Variants in AKR1E2 observed in about 807,000 individuals in gnomAD.
AKR1E2 encodes the protein 1,5-anhydro-D-fructose reductase.
Under a neutral mutation model 41.9 loss-of-function variants are expected in AKR1E2, and 43 were observed. The observed-to-expected ratio is 1.03, with a 90% CI of 0.80 to 1.32. The LOEUF is 1.32. Among genes scored for constraint, AKR1E2 ranks in the 40% most tolerant of loss-of-function variants. The pLI, the probability that AKR1E2 is intolerant of heterozygous loss-of-function variation, is 0.00. For missense variants in AKR1E2, 423 were observed against 396.5 expected (o/e 1.07, Z -0.57); for synonymous variants, 121 against 138.9 (o/e 0.87, Z 0.91).
upstream of AKR1E2, among the ~76,000 whole-genome samples, chr10:4,825,304 GT>G (rs1362569860): frequency 3.3e-5 from 5 of 152,164 alleles, no homozygotes; most frequent in Non-Finnish European, 7.4e-5. Flanking sequence ...GGGTGTGGGT[GT>G]CCTCAAGGCA....
the AKR1E2 span, among the ~76,000 whole-genome samples, chr10:4,855,736 T>C: frequency 6.6e-6 from 1 of 152,244 alleles, no homozygotes; most frequent in African/African-American, 2.4e-5. Flanking sequence ...TTTTAGTTCA[T>C]GTGACTTAAG....
At chr10:4,831,395 T>C (rs1410520852) in intron 2 of AKR1E2, among the ~76,000 whole-genome samples, 2 of 152,278 alleles carry the variant, frequency 1.3e-5, no homozygotes, top group Middle Eastern at 3.4e-3. Flanking sequence ...AGAGGTTTAA[T>C]TGACTCACAG....
intron 6 of AKR1E2, among the ~76,000 whole-genome samples, chr10:4,840,504 T>C (rs1833791236): frequency 6.6e-6 from 1 of 152,174 alleles, no homozygotes; most frequent in South Asian, 2.1e-4. Context: ...GCTGTCTCTT[T>C]CCTTTCCTAT....
the AKR1E2 span, among the ~76,000 whole-genome samples, chr10:4,863,999 C>G: frequency 7.4e-4 from 113 of 152,274 alleles, 2 homozygotes; most frequent in East Asian, 5.0e-3. Context: ...AGCCCAGGAC[C>G]AGACGGATTC....
At position 4,839,839 on chromosome 10, in the gene AKR1E2, CAGT is replaced by C; in HGVS notation, c.680+14_680+16del. 7 of 1,609,704 alleles carry C rather than the reference CAGT, an allele frequency of 4.3e-6. No individual in the cohort carries two copies. The highest frequency in any genetic ancestry group is 6.0e-6 in the Non-Finnish European group (7 of 1,176,066). ...TTGGTGGCTCGTGGTAAGGATACCT[CAGT>C]GGTGTGTTAGTCAGAGTCCGACTGG... is the stretch of plus-strand genomic sequence containing the variant. On this transcript the variant is annotated intron_variant, in intron 6 of 9. Coordinates refer to ENST00000298375, the MANE Select transcript of AKR1E2 (RefSeq NM_001040177.3).
At chr10:4,867,707 CCA>C in the AKR1E2 span, among the ~76,000 whole-genome samples, 1 of 152,150 alleles carries the variant, frequency 6.6e-6, no homozygotes, top group East Asian at 1.9e-4. Context: ...TCTTTTTAAC[CCA>C]CAGTTCTAAC....
chr10:4,833,292 T>C (rs1833124313), intron 2 of AKR1E2, 58 bp from the exon 3 acceptor site: 2 of 1,357,134 alleles, frequency 1.5e-6, no homozygotes, highest in Non-Finnish European at 2.1e-6. Flanking sequence ...GGCTACAGAA[T>C]GGGTGCCATG....
the AKR1E2 span, among the ~76,000 whole-genome samples, chr10:4,861,168 G>T: frequency 6.6e-6 from 1 of 152,098 alleles, no homozygotes; most frequent in Non-Finnish European, 1.5e-5. Context: ...GGAAATTTTT[G>T]TAGGTGCCAC....
chr10:4,866,311 G>A, the AKR1E2 span, among the ~76,000 whole-genome samples: 1 of 152,188 alleles, frequency 6.6e-6, no homozygotes, highest in Non-Finnish European at 1.5e-5. Flanking sequence ...CGTAGCACTG[G>A]AACCAGTTTT....
Position 4,847,496 on chromosome 10 carries a change from A to G in AKR1E2, c.929A>G (p.Asn310Ser). The G allele has an allele frequency of 1.9e-6, 3 of 1,613,004 alleles. No homozygotes were observed. Among genetic ancestry groups the G allele is most frequent in the Non-Finnish European group, 2.5e-6 (3 of 1,179,716 alleles). Residue 310 changes from asparagine (N) to serine (S), a missense_variant, in exon 10 of 10, where the codon AAT becomes AGT. Asn to Ser is a conservative substitution (Grantham distance 46). Coordinates refer to ENST00000298375, the MANE Select transcript of AKR1E2 (RefSeq NM_001040177.3). The part of the protein sequence containing the change: ...LRLAMFPITK[N>S]HKDYPFHIEY ...GTTTTTCTGTTTTTCAGAACTAAAA[A>G]TCACAAAGACTATCCTTTCCACATA...
chr10:4,864,971 C>T, the AKR1E2 span, among the ~76,000 whole-genome samples: 1 of 151,994 alleles, frequency 6.6e-6, no homozygotes, highest in Non-Finnish European at 1.5e-5. Context: ...TATCTATGTA[C>T]CAAAATCCCA....
chr10:4,834,923 G>A (rs563802123), intron 3 of AKR1E2, among the ~76,000 whole-genome samples: 1 of 152,242 alleles, frequency 6.6e-6, no homozygotes, highest in Non-Finnish European at 1.5e-5. Flanking sequence ...CTGCAATTTT[G>A]TGGAGGCTTG....
the AKR1E2 span, among the ~76,000 whole-genome samples, chr10:4,856,728 T>C: frequency 6.6e-6 from 1 of 152,232 alleles, no homozygotes; most frequent in Non-Finnish European, 1.5e-5. Context: ...ACACTAGTTG[T>C]TACATAAAAT....
At chr10:4,836,921 T>C (rs1243565212) in intron 4 of AKR1E2, among the ~76,000 whole-genome samples, 1 of 152,210 alleles carries the variant, frequency 6.6e-6, no homozygotes, top group African/African-American at 2.4e-5. Flanking sequence ...CCTGGCTTGC[T>C]GGTCAGTGAC....
chr10:4,833,538 G>A, intron 3 of AKR1E2, 72 bp downstream of exon 3: 1 of 1,316,660 alleles, frequency 7.6e-7, no homozygotes, highest in African/African-American at 1.4e-5. Flanking sequence ...CTGTCTTGCG[G>A]TGGGGAGAGC....
intron 8 of AKR1E2, among the ~76,000 whole-genome samples, chr10:4,842,770 A>T (rs1209020212): frequency 6.6e-6 from 1 of 152,008 alleles, no homozygotes; most frequent in Non-Finnish European, 1.5e-5. Flanking sequence ...TCTTGTTGGG[A>T]TGATTTGTGT....
At chr10:4,854,401 A>G in the AKR1E2 span, among the ~76,000 whole-genome samples, 1 of 151,834 alleles carries the variant, frequency 6.6e-6, no homozygotes, top group African/African-American at 2.4e-5. Context: ...CTACTCCTTT[A>G]CTTTCTTAAT....
At chr10:4,836,239 A>G (rs12265404) in intron 4 of AKR1E2, among the ~76,000 whole-genome samples, 16,272 of 152,124 alleles carry the variant, frequency 0.11, 968 homozygotes, top group Middle Eastern at 0.15. Context: ...AGTTGGCAGC[A>G]TGGAAGCTCA....
chr10:4,847,351 T>C (rs1834409073), intron 9 of AKR1E2, 121 bp downstream of exon 9: 1 of 1,550,408 alleles, frequency 6.4e-7, no homozygotes, highest in Admixed American at 1.9e-5. Flanking sequence ...TATAATTCTT[T>C]CCTGTTTGAA....
Sources: allele counts gnomAD v4.1 joint callset (sites outside exome capture counted in the v4.1 genomes callset), GRCh38; gene constraint gnomAD v4.1.1; transcripts MANE v1.5; gene names NCBI Gene and HGNC (gene_info 2026-07-23, HGNC 2026-07-21).